Variants in NOD2 observed in about 807,000 individuals in gnomAD.
NOD2 encodes nucleotide binding oligomerization domain containing 2, also known as nucleotide-binding oligomerization domain-containing protein 2.
In NOD2, 86 loss-of-function variants were observed where a neutral mutation model predicts 90.9. That is an observed-to-expected ratio of 0.95 (90% CI 0.79 to 1.13). NOD2 has a LOEUF of 1.13. Among genes scored for constraint, NOD2 ranks in the 50% most tolerant of loss-of-function variants. The probability of loss-of-function intolerance (pLI) is 0.00; values close to 1 mark genes in which losing one functional copy is unlikely to be tolerated. For synonymous variants in NOD2, 581 were observed against 554.6 expected, an observed-to-expected ratio of 1.05 and a Z score of -0.67; for missense variants, 1,238 against 1,283.8, an observed-to-expected ratio of 0.96 and a Z score of 0.55.
At position 50,712,113 on chromosome 16, in the gene NOD2, TG is replaced by T. The variant is rs1441140060; in HGVS notation, c.2122del (p.Ala708ProfsTer28). On this transcript the variant is annotated frameshift_variant, in exon 4 of 12. Coordinates refer to ENST00000647318, the MANE Select transcript of NOD2 (RefSeq NM_001370466.1). LOFTEE classifies it high-confidence loss of function. ...AAPGEAKSVH[A>X]MPGFIWLIRS... is the part of the protein sequence containing the mutation. ...CACCGGGTGAGGCCAAGAGCGTGCATGCCATGCCCGGGTTCATCTGGCTCAT... is the reference window on the plus strand; with the variant it reads ...CACCGGGTGAGGCCAAGAGCGTGCATCCATGCCCGGGTTCATCTGGCTCAT... The T allele has an allele frequency of 3.1e-6, 5 of 1,614,024 alleles. No homozygotes were observed. In the South Asian group the frequency reaches 5.5e-5, roughly 18 times the overall value.
rs147417132 is a variant in NOD2, at chr16:50,711,508, C to T, written c.1516C>T (p.Gln506Ter). ...LHATPPDSAS[Q>*]GLGPSLLRGR... ...TGCCACCCCCCCAGACTCAGCTTCC[C>T]AAGGTCTGGGACCCAGTCTTCTTCG... The change falls in exon 4 of 12, where the codon CAA becomes TAA. Residue 506 changes from glutamine to a stop codon, truncating the protein, a stop_gained. Transcript: ENST00000647318. LOFTEE classifies it high-confidence loss of function. 5.6e-6 allele frequency: 9 copies of T among 1,613,268 alleles called. No individual in the cohort carries two copies. The highest frequency in any genetic ancestry group is 7.6e-6 in the Non-Finnish European group (9 of 1,179,994).
chr16:50,707,720 G>C (rs1286196914), intron 2 of NOD2, 135 bp from the exon 3 acceptor site: 1 of 729,590 alleles, frequency 1.4e-6, no homozygotes, highest in Non-Finnish European at 2.5e-6. Context: ...AAACTCATGT[G>C]GTTGTTCGGT....
At chr16:50,703,503 G>A (rs964988271) in intron 2 of NOD2, among the ~76,000 whole-genome samples, 1 of 151,966 alleles carries the variant, frequency 6.6e-6, no homozygotes, top group African/African-American at 2.4e-5. Context: ...GCCAAGAATA[G>A]TGGCATGTGC....
In NOD2 at chr16:50,711,522, C is replaced by T. The variant is rs750399794; in HGVS notation, c.1530C>T (p.Pro510=). ...ACTCAGCTTCCCAAGGTCTGGGACC[C>T]AGTCTTCTTCGGGGCCGCCTCCCCA... ...PPDSASQGLG[P]SLLRGRLPTL... Residue 510 remains proline (P), a synonymous_variant, in exon 4 of 12, where the codon CCC becomes CCT. Transcript: ENST00000647318. 2.2e-5 allele frequency: 36 copies of T among 1,613,152 alleles called. No homozygotes were observed. Among genetic ancestry groups the T allele is most frequent in the Middle Eastern group, 1.6e-4 (1 of 6,084 alleles).
At chr16:50,719,304 G>A (rs951879918) in intron 6 of NOD2, among the ~76,000 whole-genome samples, 5 of 152,172 alleles carry the variant, frequency 3.3e-5, no homozygotes, top group African/African-American at 1.2e-4. Context: ...AAAGCGTATA[G>A]TTATCCCAGG....
intron 11 of NOD2, 85 bp downstream of exon 11, chr16:50,729,986 C>A: frequency 1.1e-6 from 1 of 950,110 alleles, no homozygotes. Flanking sequence ...AGAGGAATGG[C>A]AGAATTTTGA....
intron 9 of NOD2, among the ~76,000 whole-genome samples, chr16:50,724,830 A>G (rs773768013): frequency 1.3e-4 from 20 of 152,214 alleles, no homozygotes; most frequent in South Asian, 1.0e-3. Flanking sequence ...TTTTTCCTGT[A>G]TAGGCAGCTG....
intron 1 of NOD2, chr16:50,696,460 G>A (rs889325854): frequency 1.2e-4 from 19 of 152,496 alleles, no homozygotes; most frequent in African/African-American, 4.1e-4. Flanking sequence ...GATTTCGCCT[G>A]AAGAGGGGAA....
intron 2 of NOD2, among the ~76,000 whole-genome samples, chr16:50,705,150 C>A (rs1964127191): frequency 6.6e-6 from 1 of 152,102 alleles, no homozygotes; most frequent in Admixed American, 6.5e-5. Flanking sequence ...TATCTTTAAA[C>A]TCTTGAGTTT....
intron 8 of NOD2, among the ~76,000 whole-genome samples, chr16:50,723,057 A>G (rs1279375437): frequency 6.8e-6 from 1 of 146,024 alleles, no homozygotes; most frequent in Non-Finnish European, 1.5e-5. Flanking sequence ...GAAGAGCACT[A>G]TAATCAATTA....
chr16:50,710,780 A>T lies in NOD2; in HGVS notation c.788A>T (p.Asp263Val), dbSNP rs2150807904. The T allele has an allele frequency of 1.9e-6, 3 of 1,614,042 alleles. No individual in the cohort carries two copies. The highest frequency in any genetic ancestry group is 2.5e-6 in the Non-Finnish European group (3 of 1,180,006). Reference sequence around the variant, plus strand: ...TTCAGCACCCCTGGCCACCTCAATGACGATGCGGACACTGTGCTGGTGGTG... The same window carrying T: ...TTCAGCACCCCTGGCCACCTCAATGTCGATGCGGACACTGTGCTGGTGGTG... ...ELFSTPGHLNDDADTVLVVGE... is the reference protein window; with the variant it reads ...ELFSTPGHLNVDADTVLVVGE... Residue 263 changes from aspartate (D) to valine (V), a missense_variant, in exon 4 of 12, where the codon GAC (aspartate) becomes GTC (valine). Transcript: ENST00000647318.
At chr16:50,714,016 TTGAG>T (rs1185238951) in intron 4 of NOD2, among the ~76,000 whole-genome samples, 11 of 152,138 alleles carry the variant, frequency 7.2e-5, no homozygotes, top group African/African-American at 2.4e-4. Flanking sequence ...TCATGATACT[TTGAG>T]TGGGAATTTG....
chr16:50,709,421 C>T (rs1255444657), intron 3 of NOD2, among the ~76,000 whole-genome samples: 1 of 152,176 alleles, frequency 6.6e-6, no homozygotes, highest in East Asian at 1.9e-4. Context: ...GCCTGGGACG[C>T]TAAACCAGCA....
chr16:50,708,525 T>C (rs1411432502), intron 3 of NOD2, among the ~76,000 whole-genome samples: 1 of 152,246 alleles, frequency 6.6e-6, no homozygotes, highest in East Asian at 1.9e-4. Flanking sequence ...GGTGTTTTTT[T>C]CCACCTTATA....
chr16:50,726,885 A>G (rs1240043798), intron 10 of NOD2, among the ~76,000 whole-genome samples: 1 of 152,210 alleles, frequency 6.6e-6, no homozygotes, highest in Non-Finnish European at 1.5e-5. Context: ...TCACACCTGT[A>G]ATCCCAGCAC....
chr16:50,723,122 G>T (rs1218519267), intron 8 of NOD2, among the ~76,000 whole-genome samples, 179 bp from the exon 9 acceptor site: 2 of 130,398 alleles, frequency 1.5e-5, no homozygotes, highest in African/African-American at 2.9e-5. Flanking sequence ...TTCAATTAGT[G>T]ATGTCTAAAA....
rs5743267 is a variant in NOD2, at chr16:50,697,469, C to T, written c.-8-2019C>T. ...GAGAATGGGTCGGCGGGTTTTTTTC[C>T]CCAGGACCTGGGCAGGGTCAATGGT... On this transcript the variant is annotated intron_variant, in intron 1 of 11. Coordinates refer to ENST00000647318, the MANE Select transcript of NOD2 (RefSeq NM_001370466.1). 1.0e-4 allele frequency: 78 copies of T among 771,364 alleles called. No homozygotes were observed. The East Asian group carries it at 2.1e-3, about 20-fold the overall frequency. The allele number at this position is 771,364 out of a possible 1,614,324, so 47.8% of individuals were successfully genotyped here.
intron 1 of NOD2, among the ~76,000 whole-genome samples, chr16:50,695,097 G>C (rs1465920593): frequency 1.3e-5 from 2 of 150,202 alleles, no homozygotes; most frequent in Non-Finnish European, 3.0e-5. Flanking sequence ...GAACAGAGGA[G>C]TCACCTGCTT....
intron 10 of NOD2, among the ~76,000 whole-genome samples, chr16:50,727,075 G>A (rs2150839193): frequency 6.6e-6 from 1 of 151,202 alleles, no homozygotes; most frequent in Middle Eastern, 3.4e-3. Flanking sequence ...GGGAGGTGGA[G>A]GTTGCCATGA....
Sources: gnomAD v4.1 joint callset for allele counts (sites outside exome capture counted in the v4.1 genomes callset) on GRCh38, gnomAD v4.1.1 for gene constraint, MANE v1.5 for transcripts, NCBI Gene and HGNC (gene_info 2026-07-23, HGNC 2026-07-21) for gene names.